The following SUGP1 variants were observed in gnomAD, a reference collection of about 807,000 sequenced individuals.
SUGP1 encodes SURP and G-patch domain-containing protein 1.
A neutral mutation model predicts 76.5 loss-of-function variants in SUGP1; 34 were observed. The ratio of observed to expected loss-of-function variants is 0.44; its 90% CI spans 0.34 to 0.59. SUGP1 has a LOEUF of 0.59. Among genes scored for constraint, SUGP1 ranks in the 20% least tolerant of loss-of-function variants. SUGP1 has a pLI of 0.01. For missense variants in SUGP1, 752 were observed against 851.7 expected (o/e 0.88, Z 1.46); for synonymous variants, 326 against 326.2 (o/e 1.00, Z 0.01).
chr19:19,292,884 A>G (rs2061196691), intron 8 of SUGP1, among the ~76,000 whole-genome samples: 1 of 151,906 alleles, frequency 6.6e-6, no homozygotes, highest in Admixed American at 6.6e-5. Flanking sequence ...AAGGAAAGTA[A>G]CCACACGATG....
chr19:19,313,450 C>G (rs2061367110), intron 2 of SUGP1, among the ~76,000 whole-genome samples: 1 of 152,228 alleles, frequency 6.6e-6, no homozygotes, highest in South Asian at 2.1e-4. Flanking sequence ...GTGGCTCACA[C>G]CTGTAAACCT....
At chr19:19,318,506 G>A (rs1227367257) in intron 1 of SUGP1, among the ~76,000 whole-genome samples, 2 of 152,030 alleles carry the variant, frequency 1.3e-5, no homozygotes, top group Non-Finnish European at 1.5e-5. Flanking sequence ...GTAGCTCACT[G>A]CATCCTCAAA....
Position 19,300,079 on chromosome 19 carries a change from CATTTTTT to C in SUGP1, c.887+2179_887+2185del, listed in dbSNP as rs922018801. Among the ~76,000 whole-genome samples the C allele has an allele frequency of 3.5e-3, 533 of 151,214 alleles. 4 individuals carry two copies. The highest frequency in any genetic ancestry group is 0.013 in the African/African-American group (529 of 41,200). ...AGGTGTGAGCCACCAAGCCCAGCCTCATTTTTTATTTTTTGAGATGGAGTCTTGCTCT... is the reference window on the plus strand; with the variant it reads ...AGGTGTGAGCCACCAAGCCCAGCCTCATTTTTTGAGATGGAGTCTTGCTCT... On this transcript the variant is annotated intron_variant, in intron 7 of 13. Coordinates refer to ENST00000247001, the MANE Select transcript of SUGP1 (RefSeq NM_172231.4).
chr19:19,298,915 C>T (rs1183091221), intron 7 of SUGP1, among the ~76,000 whole-genome samples: 1 of 152,028 alleles, frequency 6.6e-6, no homozygotes, highest in Admixed American at 6.5e-5. Context: ...ATCACAGTCC[C>T]CTGGAGGGTC....
chr19:19,280,311 G>A lies in SUGP1; in HGVS notation c.1244-20C>T. ...CCTGAACTGGAAACCAAAGACACAG[G>A]GTAGTCAGAGCCTGACAGGTGCACC... On this transcript the variant is annotated intron_variant, in intron 8 of 13. Coordinates refer to ENST00000247001, the MANE Select transcript of SUGP1 (RefSeq NM_172231.4). 3 of 1,609,480 alleles carry A rather than the reference G, an allele frequency of 1.9e-6. No individual in the cohort carries two copies. Among genetic ancestry groups the A allele is most frequent in the Middle Eastern group, 1.7e-4 (1 of 6,052 alleles).
Position 19,297,111 on chromosome 19 carries a change from G to A in SUGP1, c.1121C>T (p.Ala374Val), listed in dbSNP as rs763097381. 6.2e-7 allele frequency: 1 copy of A among 1,613,898 alleles called. No individual in the cohort carries two copies. Among genetic ancestry groups the A allele is most frequent in the South Asian group, 1.1e-5 (1 of 91,086 alleles). Residue 374 changes from alanine (A) to valine (V), a missense_variant, in exon 8 of 14, where the codon GCC becomes GTC. Ala to Val is a moderately conservative substitution (Grantham distance 64, BLOSUM62 0). Around this residue, in one of 2 missense-constraint regions of SUGP1, gnomAD observed 620 missense variants for 617.3 expected, o/e 1.00. Transcript: ENST00000247001. ...IPAPAAPGKPASAATVKRKRK... is the reference protein window; with the variant it reads ...IPAPAAPGKPVSAATVKRKRK... ...CTTCCTCTTCACGGTGGCTGCGGAGGCTGGCTTCCCGGGGGCAGCTGGAGC... is the reference window on the plus strand; with the variant it reads ...CTTCCTCTTCACGGTGGCTGCGGAGACTGGCTTCCCGGGGGCAGCTGGAGC...
intron 3 of SUGP1, among the ~76,000 whole-genome samples, chr19:19,309,119 G>A (rs565199998): frequency 3.9e-5 from 6 of 151,982 alleles, no homozygotes; most frequent in South Asian, 4.2e-4. Context: ...CGCCTGTCTC[G>A]GCCTCCCAAA....
intron 7 of SUGP1, chr19:19,301,886 C>T (rs1391410812): frequency 1.1e-5 from 2 of 183,026 alleles, no homozygotes; most frequent in African/African-American, 4.7e-5. Flanking sequence ...AGGGGAGACC[C>T]TGAGAACGTA....
intron 2 of SUGP1, among the ~76,000 whole-genome samples, chr19:19,312,770 G>C (rs574478584): frequency 6.6e-6 from 1 of 151,584 alleles, no homozygotes; most frequent in South Asian, 2.1e-4. Context: ...GGTGGATCAC[G>C]TGGTCAGGAG....
At chr19:19,311,726 C>CAA (rs55707664) in intron 2 of SUGP1, among the ~76,000 whole-genome samples, 124 of 76,780 alleles carry the variant, frequency 1.6e-3, no homozygotes, top group Non-Finnish European at 2.0e-3. Flanking sequence ...GACTCTGTCT[C>CAA]AAAAAAAAAA....
At chr19:19,299,958 A>G (rs1056777997) in intron 7 of SUGP1, among the ~76,000 whole-genome samples, 2 of 151,776 alleles carry the variant, frequency 1.3e-5, no homozygotes, top group Non-Finnish European at 2.9e-5. Context: ...TTGTATTTTT[A>G]GTAGAGACGG....
intron 4 of SUGP1, among the ~76,000 whole-genome samples, chr19:19,304,415 A>C (rs1191234740): frequency 5.3e-5 from 8 of 151,944 alleles, no homozygotes; most frequent in Non-Finnish European, 1.2e-4. Flanking sequence ...ATCATCTCAT[A>C]CACTTCCTGC....
chr19:19,280,233 G>A lies in SUGP1; in HGVS notation c.1302C>T (p.Val434=), dbSNP rs776382110. 6.2e-7 allele frequency: 1 copy of A among 1,614,010 alleles called. No individual in the cohort carries two copies. The highest frequency in any genetic ancestry group is 1.7e-5 in the Admixed American group (1 of 60,018). ...TCTTCTGGGCGTCTGAAAGCTCTGTGACGCCCACTAGACCCACAGGCTTCC... is the reference window on the plus strand; with the variant it reads ...TCTTCTGGGCGTCTGAAAGCTCTGTAACGCCCACTAGACCCACAGGCTTCC... The part of the protein sequence containing the change: ...EKGKPVGLVG[V]TELSDAQKKQ... Residue 434 remains valine, a synonymous_variant, in exon 9 of 14, where the codon GTC becomes GTT. Transcript: ENST00000247001.
At chr19:19,290,919 C>A (rs2061177636) in intron 8 of SUGP1, among the ~76,000 whole-genome samples, 1 of 152,024 alleles carries the variant, frequency 6.6e-6, no homozygotes, top group Non-Finnish European at 1.5e-5. Context: ...GAGCTCGAGA[C>A]CAGCCTGGCC....
chr19:19,303,710 C>A lies in SUGP1; in HGVS notation c.662+14G>T. The A allele has an allele frequency of 1.2e-6, 2 of 1,614,160 alleles. No homozygotes were observed. Among genetic ancestry groups the A allele is most frequent in the African/African-American group, 1.3e-5 (1 of 75,058 alleles). On this transcript the variant is annotated intron_variant, in intron 5 of 13. Coordinates refer to ENST00000247001, the MANE Select transcript of SUGP1 (RefSeq NM_172231.4). ...ATTCAACAGCACAGCCTTCCCTTCCCCGGAGATACTCACGCAAATGCTGGG... is the reference window on the plus strand; with the variant it reads ...ATTCAACAGCACAGCCTTCCCTTCCACGGAGATACTCACGCAAATGCTGGG...
At chr19:19,278,588 T>C (rs2061072283) in intron 11 of SUGP1, 102 bp downstream of exon 11, 1 of 994,594 alleles carries the variant, frequency 1.0e-6, no homozygotes, top group South Asian at 1.4e-5. Context: ...CCTGCTGTGA[T>C]CGAGAGGGTA....
At chr19:19,316,353 C>A in intron 2 of SUGP1, 69 bp downstream of exon 2, 1 of 1,583,610 alleles carries the variant, frequency 6.3e-7, no homozygotes, top group Non-Finnish European at 8.6e-7. Context: ...CCCTCACAAG[C>A]CAAACCCTGT....
At chr19:19,303,979 C>A in intron 4 of SUGP1, 132 bp from the exon 5 acceptor site, 1 of 1,596,036 alleles carries the variant, frequency 6.3e-7, no homozygotes, top group East Asian at 2.2e-5. Context: ...TGTCGGGCGT[C>A]CCGAGTCCAG....
chr19:19,277,526 C>T (rs889791637), intron 12 of SUGP1, among the ~76,000 whole-genome samples: 4 of 152,172 alleles, frequency 2.6e-5, no homozygotes, highest in Non-Finnish European at 5.9e-5. Context: ...CATGAGGGGA[C>T]GGAAGGAGGC....
Sources: allele counts gnomAD v4.1 joint callset (sites outside exome capture counted in the v4.1 genomes callset), GRCh38; gene constraint gnomAD v4.1.1; regional missense constraint gnomAD v4.1.1; transcripts MANE v1.5; gene names NCBI Gene and HGNC (gene_info 2026-07-23, HGNC 2026-07-21).